The following UMODL1 variants were observed in gnomAD, a reference collection of about 807,000 sequenced individuals.
The protein encoded by UMODL1 is uromodulin like 1, also known as uromodulin-like 1.
In UMODL1, 128 loss-of-function variants were observed where a neutral mutation model predicts 136.3. The observed-to-expected ratio is 0.94, with a 90% CI of 0.81 to 1.09. The LOEUF is 1.09. UMODL1 is among the 50% of genes least tolerant of loss of function. The probability of loss-of-function intolerance (pLI) is 0.00; values close to 1 mark genes in which losing one functional copy is unlikely to be tolerated. For missense variants in UMODL1, 1,766 were observed against 1,725.6 expected, an observed-to-expected ratio of 1.02 and a Z score of -0.41; for synonymous variants, 721 against 720.0, an observed-to-expected ratio of 1.00 and a Z score of -0.02.
At position 42,088,726 on chromosome 21, in the gene UMODL1, G is replaced by A. The variant is rs184248745; in HGVS notation, c.790+246G>A. 6.8e-3 allele frequency among the ~76,000 whole-genome samples: 987 copies of A among 144,144 alleles called. 5 individuals are homozygous for A. The highest frequency in any genetic ancestry group is 8.5e-3 in the Non-Finnish European group (562 of 66,464). 94.6% of individuals were successfully genotyped at this position (144,144 alleles called of 152,430 possible). On this transcript the variant is annotated intron_variant, in intron 5 of 22. Coordinates refer to ENST00000408910, the MANE Select transcript of UMODL1 (RefSeq NM_001004416.3). ...GAACTTATTTTGCCCCCCATTTCCC[G>A]CCCCTCTCCTCTTCCCTCCATCTCT...
rs115016442 is a variant in UMODL1, at chr21:42,121,266, A to T, written c.2827+42A>T. Reference sequence around the variant, plus strand: ...TTCTTCTTCTGGAATACTGTATCATAATCGGTTTTTTTTAAGGACATTCAC... The same window carrying T: ...TTCTTCTTCTGGAATACTGTATCATTATCGGTTTTTTTTAAGGACATTCAC... On this transcript the variant is annotated intron_variant, in intron 16 of 22. Coordinates refer to ENST00000408910, the MANE Select transcript of UMODL1 (RefSeq NM_001004416.3). The T allele has an allele frequency of 7.2e-4, 1,135 of 1,572,982 alleles. 13 individuals carry two copies. In the African/African-American group the frequency reaches 0.014, roughly 20 times the overall value.
intron 11 of UMODL1, 149 bp downstream of exon 11, chr21:42,111,270 C>T: frequency 1.4e-6 from 2 of 1,421,180 alleles, no homozygotes; most frequent in Non-Finnish European, 1.9e-6. Context: ...CAGGGGAGCC[C>T]CAGCCAGGTG....
At chr21:42,079,487 G>A (rs1039054146) in intron 2 of UMODL1, among the ~76,000 whole-genome samples, 2 of 152,214 alleles carry the variant, frequency 1.3e-5, no homozygotes, top group African/African-American at 4.8e-5. Context: ...AGGGAGGGAC[G>A]TGAGGCATGA....
chr21:42,117,259 C>T (rs2066912754), intron 14 of UMODL1, among the ~76,000 whole-genome samples: 1 of 152,218 alleles, frequency 6.6e-6, no homozygotes, highest in African/African-American at 2.4e-5. Context: ...GTTTCATCCA[C>T]GTGGCAGCAT....
At chr21:42,136,380 CT>C (rs1366133096) in intron 21 of UMODL1, among the ~76,000 whole-genome samples, 2 of 152,228 alleles carry the variant, frequency 1.3e-5, no homozygotes, top group African/African-American at 2.4e-5. Context: ...CACCTTCCCC[CT>C]GTCTCTGAAA....
rs886511563 is a variant in UMODL1 at position 42,123,358 on chromosome 21, C to T, written c.3147+208C>T. Among the ~76,000 whole-genome samples the T allele has an allele frequency of 2.6e-5, 4 of 152,308 alleles. No individual in the cohort carries two copies. The highest frequency in any genetic ancestry group is 5.9e-5 in the Non-Finnish European group (4 of 68,028). The stretch of plus-strand genomic sequence containing the variant: ...GCTGTGAGTCCACCCAGGAGGGACT[C>T]TGGTGCAGAGTGCTGGGGCAGGCTT... On this transcript the variant is annotated intron_variant, in intron 17 of 22. Transcript: ENST00000408910. The surrounding 1 kb of genome is among the most constrained non-coding windows in gnomAD (Gnocchi z 4.4).
chr21:42,101,986 G>A (rs981269853), intron 7 of UMODL1, 180 bp from the exon 8 acceptor site: 7 of 531,780 alleles, frequency 1.3e-5, no homozygotes, highest in Non-Finnish European at 2.4e-5. Context: ...ACATAAAAGT[G>A]TTTGTTTATT....
intron 15 of UMODL1, among the ~76,000 whole-genome samples, chr21:42,119,901 A>G (rs2066947762): frequency 6.6e-6 from 1 of 152,256 alleles, no homozygotes; most frequent in Non-Finnish European, 1.5e-5. Context: ...TGCTGACTGC[A>G]TGCAGAGATA....
intron 20 of UMODL1, among the ~76,000 whole-genome samples, chr21:42,128,458 G>A (rs2067091249): frequency 6.6e-6 from 1 of 152,228 alleles, no homozygotes; most frequent in Admixed American, 6.5e-5. Context: ...GTGACCGAAT[G>A]CTTCTCTCTC....
At chr21:42,139,770 G>A (rs2067254303) in intron 22 of UMODL1, among the ~76,000 whole-genome samples, 2 of 152,110 alleles carry the variant, frequency 1.3e-5, no homozygotes, top group Non-Finnish European at 2.9e-5. Flanking sequence ...CTCTATCTAG[G>A]GAGGTGACTG....
chr21:42,085,166 G>T lies in UMODL1; in HGVS notation c.482-125G>T. On this transcript the variant is annotated intron_variant, in intron 3 of 22. Transcript: ENST00000408910. The surrounding 1 kb of genome is among the most constrained non-coding windows in gnomAD (Gnocchi z 4.5). ...TGTGGTAGATGTCTTTTTGCAGGGA[G>T]GTAAATGCAGAGCAGGGCCTCTCAT... 8.1e-7 allele frequency: 1 copy of T among 1,238,758 alleles called. No homozygotes were observed. The highest frequency in any genetic ancestry group is 1.1e-6 in the Non-Finnish European group (1 of 895,390). 76.7% of individuals were successfully genotyped at this position (1,238,758 alleles called of 1,614,324 possible).
rs967315890 is a variant in UMODL1, at chr21:42,099,759, C to T, written c.1186+579C>T. 3.3e-5 allele frequency among the ~76,000 whole-genome samples: 5 copies of T among 152,160 alleles called. No individual in the cohort carries two copies. The highest frequency in any genetic ancestry group is 7.2e-5 in the African/African-American group (3 of 41,430). ...GTAGTGGTATGATCACAGCTCGCTG[C>T]GGCCTCGACCCCCTGGACTCAAGTG... On this transcript the variant is annotated intron_variant, in intron 7 of 22. Coordinates refer to ENST00000408910, the MANE Select transcript of UMODL1 (RefSeq NM_001004416.3). This position sits in a 1 kb window ranked among gnomAD's most constrained non-coding sequence, Gnocchi z 4.1.
rs1418536439 is a variant in UMODL1 at position 42,123,159 on chromosome 21, A to G, written c.3147+9A>G. The G allele has an allele frequency of 6.2e-7, 1 of 1,603,396 alleles. No individual in the cohort carries two copies. The highest frequency in any genetic ancestry group is 8.5e-7 in the Non-Finnish European group (1 of 1,172,832). On this transcript the variant is annotated intron_variant, in intron 17 of 22. Coordinates refer to ENST00000408910, the MANE Select transcript of UMODL1 (RefSeq NM_001004416.3). This position sits in a 1 kb window ranked among gnomAD's most constrained non-coding sequence, Gnocchi z 4.4. Reference sequence around the variant, plus strand: ...GGACCCTCATGCAGAGCGTAAGACCAGGAGAGCCAGGCTCAGGATGTACAC... The same window carrying G: ...GGACCCTCATGCAGAGCGTAAGACCGGGAGAGCCAGGCTCAGGATGTACAC...
rs146842719 is a variant in UMODL1 at position 42,084,263 on chromosome 21, A to T, written c.481+18A>T. ...ACCCCAAGGTAGGCTGCTGCGGGCCATGCTTATGGACAGGCAGCAAAGGCG... is the reference window on the plus strand; with the variant it reads ...ACCCCAAGGTAGGCTGCTGCGGGCCTTGCTTATGGACAGGCAGCAAAGGCG... On this transcript the variant is annotated intron_variant, in intron 3 of 22. Transcript: ENST00000408910. 1.7e-3 allele frequency: 2,673 copies of T among 1,610,134 alleles called. 28 individuals carry two copies. The African/African-American group carries it at 0.031, about 19-fold the overall frequency.
chr21:42,135,394 G>A (rs1411478752), intron 21 of UMODL1, among the ~76,000 whole-genome samples: 1 of 152,264 alleles, frequency 6.6e-6, no homozygotes, highest in East Asian at 1.9e-4. Flanking sequence ...CCAGCCCTGA[G>A]CTAGTGGTTC....
At chr21:42,081,023 C>A (rs551110188) in intron 2 of UMODL1, among the ~76,000 whole-genome samples, 1 of 152,206 alleles carries the variant, frequency 6.6e-6, no homozygotes, top group East Asian at 1.9e-4. Context: ...TTGGATTATG[C>A]GCTGAGGATG....
At position 42,082,236 on chromosome 21, in the gene UMODL1, G is replaced by A. The variant is rs538462049; in HGVS notation, c.320-1848G>A. Among the ~76,000 whole-genome samples the A allele has an allele frequency of 2.0e-4, 30 of 152,304 alleles. 1 individual carries two copies. Among genetic ancestry groups the A allele is most frequent in the African/African-American group, 6.3e-4 (26 of 41,570 alleles). On this transcript the variant is annotated intron_variant, in intron 2 of 22. Coordinates refer to ENST00000408910, the MANE Select transcript of UMODL1 (RefSeq NM_001004416.3). ...TGTGGTCCCAGCAGAAGCCAGGGCC[G>A]CCACCTCTTTCTTCGTTGCAGAGTG...
Position 42,085,520 on chromosome 21 carries a change from C to T in UMODL1, c.603+108C>T. On this transcript the variant is annotated intron_variant, in intron 4 of 22. Coordinates refer to ENST00000408910, the MANE Select transcript of UMODL1 (RefSeq NM_001004416.3). The surrounding 1 kb of genome is among the most constrained non-coding windows in gnomAD (Gnocchi z 4.5). The stretch of plus-strand genomic sequence containing the variant: ...CCTGGGGGTTGGGGAGGGTGATGTT[C>T]CCCAAATGGCCCCAAATGACTGACT... 1 of 1,490,228 alleles carries T rather than the reference C, an allele frequency of 6.7e-7. No individual in the cohort carries two copies. Among genetic ancestry groups the T allele is most frequent in the Non-Finnish European group, 9.1e-7 (1 of 1,095,424 alleles). The allele number at this position is 1,490,228 out of a possible 1,614,324, so 92.3% of individuals were successfully genotyped here. A position where few individuals can be genotyped will look rare whatever the true frequency, so the allele number is the denominator to read the frequency against.
chr21:42,140,312 C>T (rs543049001), intron 22 of UMODL1, among the ~76,000 whole-genome samples: 3 of 106,932 alleles, frequency 2.8e-5, no homozygotes, highest in Non-Finnish European at 6.2e-5. Flanking sequence ...TCCCAGGTCA[C>T]GTGGCTAGGA....
Sources: gnomAD v4.1 joint callset for allele counts (sites outside exome capture counted in the v4.1 genomes callset) on GRCh38, gnomAD v4.1.1 for gene constraint, Gnocchi (gnomAD v3.1) non-coding constraint, MANE v1.5 for transcripts, NCBI Gene and HGNC (gene_info 2026-07-23, HGNC 2026-07-21) for gene names.